Variants in ATP2A2 observed in about 807,000 individuals in gnomAD.
ATP2A2 encodes sarcoplasmic/endoplasmic reticulum calcium ATPase 2.
ATP2A2 carries 14 observed loss-of-function variants against 109.3 expected under a neutral mutation model. The ratio of observed to expected loss-of-function variants is 0.13; its 90% CI spans 0.08 to 0.20. The LOEUF (loss-of-function observed/expected upper bound fraction) is 0.20, where lower values mean the gene tolerates loss of function less well. ATP2A2 is among the 10% of genes least tolerant of loss of function. The pLI is 1.00. For missense variants in ATP2A2, 657 were observed against 1,321.6 expected (o/e 0.50, Z 7.80); for synonymous variants, 506 against 490.9 (o/e 1.03, Z -0.41).
Position 110,347,671 on chromosome 12 carries a change from C to T in ATP2A2, c.*1201C>T. On this transcript the variant is annotated 3_prime_UTR_variant, in exon 20 of 20. Coordinates refer to ENST00000539276, the MANE Select transcript of ATP2A2 (RefSeq NM_170665.4). ...ATTTGAATGTGGCACTAACCACCAC[C>T]ACCGTTACTACGATCAATGTTTGCG... The T allele has an allele frequency of 8.5e-7, 1 of 1,175,172 alleles. No homozygotes were observed. The highest frequency in any genetic ancestry group is 1.1e-6 in the Non-Finnish European group (1 of 934,532). The allele number at this position is 1,175,172 out of a possible 1,614,324, so 72.8% of individuals were successfully genotyped here. A position where few individuals can be genotyped will look rare whatever the true frequency, so the allele number is the denominator to read the frequency against.
chr12:110,320,408 C>G (rs1877114608), intron 5 of ATP2A2, among the ~76,000 whole-genome samples: 1 of 152,172 alleles, frequency 6.6e-6, no homozygotes. Context: ...ATCAAATCCT[C>G]AGACACCAAA....
chr12:110,296,552 G>A, intron 4 of ATP2A2, 47 bp from the exon 5 acceptor site: 3 of 1,611,282 alleles, frequency 1.9e-6, no homozygotes, highest in Non-Finnish European at 2.5e-6. Flanking sequence ...AGAAATAATT[G>A]CAGTGTCAGG....
chr12:110,284,872 A>G (rs1353291497), intron 3 of ATP2A2, among the ~76,000 whole-genome samples: 1 of 152,232 alleles, frequency 6.6e-6, no homozygotes, highest in Non-Finnish European at 1.5e-5. Flanking sequence ...AATTGCAGAT[A>G]TAAGACCTGT....
chr12:110,310,045 T>C (rs572971945), intron 5 of ATP2A2, among the ~76,000 whole-genome samples: 5 of 152,216 alleles, frequency 3.3e-5, no homozygotes, highest in South Asian at 4.1e-4. Flanking sequence ...CATAATCTTA[T>C]AAGAAATGAA....
At chr12:110,302,180 GTGGCAT>G (rs1215024046) in intron 5 of ATP2A2, among the ~76,000 whole-genome samples, 1 of 152,062 alleles carries the variant, frequency 6.6e-6, no homozygotes, top group Non-Finnish European at 1.5e-5. Flanking sequence ...GTGCAGTTCT[GTGGCAT>G]TAAGTACATT....
chr12:110,350,016 TTG>T lies in ATP2A2; in HGVS notation c.*3550_*3551del. 7.3e-7 allele frequency: 1 copy of T among 1,366,800 alleles called. No homozygotes were observed. Among genetic ancestry groups the T allele is most frequent in the Non-Finnish European group, 9.4e-7 (1 of 1,058,888 alleles). 84.7% of individuals were successfully genotyped at this position (1,366,800 alleles called of 1,614,324 possible). ...CTCGCTGCTTTCACAGCTGCAACGA[TTG>T]TGTCTGCCTCATGGGGTTTTCCTCC... On this transcript the variant is annotated 3_prime_UTR_variant, in exon 20 of 20. Transcript: ENST00000539276.
At chr12:110,294,685 T>G (rs1873776413) in intron 4 of ATP2A2, among the ~76,000 whole-genome samples, 1 of 152,090 alleles carries the variant, frequency 6.6e-6, no homozygotes, top group Non-Finnish European at 1.5e-5. Flanking sequence ...AAAAGAACAT[T>G]CTTAAGTCTT....
chr12:110,315,774 CTA>C (rs2137782257), intron 5 of ATP2A2, among the ~76,000 whole-genome samples: 1 of 152,320 alleles, frequency 6.6e-6, no homozygotes, highest in South Asian at 2.1e-4. Flanking sequence ...AACCCCATCT[CTA>C]CTAAAAATAC....
chr12:110,346,999 A>G lies in ATP2A2; in HGVS notation c.*529A>G. On this transcript the variant is annotated 3_prime_UTR_variant, in exon 20 of 20. Transcript: ENST00000539276. ...ATTGTTTTGGTTTGCTACTTCCCTC[A>G]CCCACTTTGGCCTCCGTTCACCCCA... 1.8e-6 allele frequency: 2 copies of G among 1,096,218 alleles called. No homozygotes were observed. The highest frequency in any genetic ancestry group is 1.1e-6 in the Non-Finnish European group (1 of 897,022). 67.9% of individuals were successfully genotyped at this position (1,096,218 alleles called of 1,614,324 possible). A position where few individuals can be genotyped will look rare whatever the true frequency, so the allele number is the denominator to read the frequency against.
intron 5 of ATP2A2, among the ~76,000 whole-genome samples, chr12:110,300,116 T>TCCGTC (rs1874419619): frequency 9.7e-6 from 1 of 103,328 alleles, no homozygotes; most frequent in African/African-American, 4.5e-5. Context: ...CCTCCCCCTT[T>TCCGTC]CCCTCCCCTC....
intron 5 of ATP2A2, among the ~76,000 whole-genome samples, chr12:110,314,595 G>A (rs538921979): frequency 6.6e-6 from 1 of 152,270 alleles, no homozygotes; most frequent in East Asian, 1.9e-4. Context: ...CCTTGAACAA[G>A]TACCTTTTAG....
chr12:110,339,370 A>G lies in ATP2A2; in HGVS notation c.1509A>G (p.Pro503=), dbSNP rs1385355367. 10 of 1,614,120 alleles carry G rather than the reference A, an allele frequency of 6.2e-6. No individual in the cohort carries two copies. In the East Asian group the frequency reaches 2.2e-4, roughly 36 times the overall value. Residue 503 remains proline (P), a synonymous_variant, in exon 12 of 20, where the codon CCA becomes CCG. Transcript: ENST00000539276. The surrounding 1 kb of genome is among the most constrained non-coding windows in gnomAD (Gnocchi z 4.4). ...CGGTTTACTGTACACCAAATAAACC[A>G]AGCAGGACATCAATGAGCAAGATGT... ...SMSVYCTPNK[P]SRTSMSKMFV...
upstream of ATP2A2, chr12:110,281,054 C>T (rs1489803167): frequency 4.6e-5 from 7 of 151,290 alleles, no homozygotes; most frequent in Admixed American, 1.3e-4. Context: ...GGCCTCGATC[C>T]GGGTTCCTAG....
Position 110,349,204 on chromosome 12 carries a change from C to T in ATP2A2, c.*2734C>T. On this transcript the variant is annotated 3_prime_UTR_variant, in exon 20 of 20. Transcript: ENST00000539276. ...GGTGAAAACACTTCAGCATCTCCTCCTCAGGTCAACCCATAAAGACCAGGT... is the reference window on the plus strand; with the variant it reads ...GGTGAAAACACTTCAGCATCTCCTCTTCAGGTCAACCCATAAAGACCAGGT... 4.1e-6 allele frequency: 4 copies of T among 985,562 alleles called. No individual in the cohort carries two copies. Among genetic ancestry groups the T allele is most frequent in the African/African-American group, 1.7e-5 (1 of 57,358 alleles). The allele number at this position is 985,562 out of a possible 1,614,324, so 61.1% of individuals were successfully genotyped here. A position where few individuals can be genotyped will look rare whatever the true frequency, so the allele number is the denominator to read the frequency against.
chr12:110,334,292 G>C, intron 11 of ATP2A2, 149 bp downstream of exon 11: 1 of 985,252 alleles, frequency 1.0e-6, no homozygotes, highest in South Asian at 1.4e-5. Context: ...TCACTCTCAG[G>C]TAAGATGCTC....
chr12:110,289,628 G>A (rs1566200483), intron 3 of ATP2A2, among the ~76,000 whole-genome samples: 1 of 151,866 alleles, frequency 6.6e-6, no homozygotes, highest in Non-Finnish European at 1.5e-5. Flanking sequence ...GAGTCATTTG[G>A]ATTCATTATT....
intron 3 of ATP2A2, among the ~76,000 whole-genome samples, chr12:110,288,101 CTTTTTT>C (rs71083111): frequency 1.1e-5 from 1 of 87,300 alleles, no homozygotes; most frequent in Non-Finnish European, 2.1e-5. Flanking sequence ...ATGCTTTGCC[CTTTTTT>C]TTTTTTTTTT....
chr12:110,345,476 A>G, intron 18 of ATP2A2, 94 bp downstream of exon 18: 1 of 1,557,686 alleles, frequency 6.4e-7, no homozygotes, highest in Non-Finnish European at 8.8e-7. Context: ...GGATCACAGG[A>G]CAGTTCTTCC....
chr12:110,299,694 A>G (rs1475471606), intron 5 of ATP2A2, among the ~76,000 whole-genome samples: 1 of 152,128 alleles, frequency 6.6e-6, no homozygotes, highest in African/African-American at 2.4e-5. Flanking sequence ...ATCACGGCTC[A>G]CTGCAGCATT....
Sources: gnomAD v4.1 joint callset for allele counts (sites outside exome capture counted in the v4.1 genomes callset) on GRCh38, gnomAD v4.1.1 for gene constraint, Gnocchi (gnomAD v3.1) non-coding constraint, MANE v1.5 for transcripts, NCBI Gene and HGNC (gene_info 2026-07-23, HGNC 2026-07-21) for gene names.